The following MROH2B variants were observed in gnomAD, a reference collection of about 807,000 sequenced individuals.
MROH2B encodes the protein maestro heat like repeat family member 2B.
A neutral mutation model predicts 208.6 loss-of-function variants in MROH2B; 177 were observed. That is an observed-to-expected ratio of 0.85 (90% CI 0.75 to 0.96). The LOEUF is 0.96. MROH2B is among the 40% of genes least tolerant of loss of function. MROH2B has a pLI of 0.00. For synonymous variants in MROH2B, 728 were observed against 659.0 expected (o/e 1.10, Z -1.60); for missense variants, 2,002 against 1,878.7 (o/e 1.07, Z -1.21).
At chr5:41,036,009 C>T (rs1481655195) in intron 21 of MROH2B, among the ~76,000 whole-genome samples, 1 of 151,868 alleles carries the variant, frequency 6.6e-6, no homozygotes, top group Non-Finnish European at 1.5e-5. Flanking sequence ...AAAAATGGAT[C>T]GTTTTACCAA....
intron 24 of MROH2B, among the ~76,000 whole-genome samples, chr5:41,030,541 T>C (rs909026368): frequency 1.3e-5 from 2 of 152,010 alleles, no homozygotes; most frequent in Non-Finnish European, 2.9e-5. Flanking sequence ...AAAATGCCCA[T>C]ACTGCCCAAA....
chr5:41,045,868 G>A lies in MROH2B; in HGVS notation c.1729-15C>T. 6.3e-7 allele frequency: 1 copy of A among 1,592,604 alleles called. No homozygotes were observed. The highest frequency in any genetic ancestry group is 8.6e-7 in the Non-Finnish European group (1 of 1,164,090). ...TCTTTGAGCAACTGTTGTAGGAAGT[G>A]GAAGTTAGATGTGAATATGACCGTT... On this transcript the variant is annotated splice_polypyrimidine_tract_variant and intron_variant, in intron 17 of 41. Transcript: ENST00000399564.
rs763590519 is a variant in MROH2B, at chr5:41,057,184, T to TG, written c.850-7dup. ...GGCTCTGGAGCTCTGCAGATCTGAA[T>TG]GGGGGTGGAAATCAGGTGGTAGATG... On this transcript the variant is annotated splice_polypyrimidine_tract_variant and splice_region_variant and intron_variant, in intron 8 of 41. Coordinates refer to ENST00000399564, the MANE Select transcript of MROH2B (RefSeq NM_173489.5). 191 of 1,613,698 alleles carry TG rather than the reference T, an allele frequency of 1.2e-4. No individual in the cohort carries two copies. The highest frequency in any genetic ancestry group is 8.3e-4 in the South Asian group (76 of 91,066).
Position 41,018,321 on chromosome 5 carries a change from C to A in MROH2B, c.2763+20G>T, listed in dbSNP as rs952675401. On this transcript the variant is annotated intron_variant, in intron 27 of 41. Coordinates refer to ENST00000399564, the MANE Select transcript of MROH2B (RefSeq NM_173489.5). Reference sequence around the variant, plus strand: ...CTGTTCACAAGCAATAAAGTCTATTCATTCTAGGGGATTACTTACCTCAAT... The same window carrying A: ...CTGTTCACAAGCAATAAAGTCTATTAATTCTAGGGGATTACTTACCTCAAT... 6 of 1,603,080 alleles carry A rather than the reference C, an allele frequency of 3.7e-6. No individual in the cohort carries two copies. Among genetic ancestry groups the A allele is most frequent in the Non-Finnish European group, 5.1e-6 (6 of 1,173,604 alleles).
chr5:41,043,858 CTTTG>C (rs914786871), intron 18 of MROH2B, among the ~76,000 whole-genome samples: 1 of 152,106 alleles, frequency 6.6e-6, no homozygotes, highest in African/African-American at 2.4e-5. Context: ...TCCTTGCATG[CTTTG>C]TTGCTATCAC....
chr5:41,019,766 C>T (rs945295781), intron 24 of MROH2B, among the ~76,000 whole-genome samples: 4 of 152,152 alleles, frequency 2.6e-5, no homozygotes, highest in Non-Finnish European at 5.9e-5. Context: ...AAATTCAGTA[C>T]CAGCTGGGAA....
In MROH2B at chr5:41,009,851, C is replaced by T. The variant is rs530855194; in HGVS notation, c.3293+71G>A. On this transcript the variant is annotated intron_variant, in intron 31 of 41. Transcript: ENST00000399564. ...TTTGTTTGCTATCTTGCTCTCAAAC[C>T]GTAAATCCCTCCCCAGTGCCTTTCA... is the stretch of plus-strand genomic sequence containing the variant. The T allele has an allele frequency of 7.1e-5, 104 of 1,471,412 alleles. 1 individual carries two copies. The East Asian group carries it at 2.2e-3, about 31-fold the overall frequency. 91.1% of individuals were successfully genotyped at this position (1,471,412 alleles called of 1,614,324 possible). A position where few individuals can be genotyped will look rare whatever the true frequency, so the allele number is the denominator to read the frequency against.
chr5:41,047,072 T>A (rs1974846), intron 17 of MROH2B, among the ~76,000 whole-genome samples: 123,203 of 151,810 alleles, frequency 0.81, 50,771 homozygotes, highest in Non-Finnish European at 0.89. Context: ...CCTTTTAATA[T>A]AGAAAACCTT....
At chr5:41,035,804 A>C (rs1742737923) in intron 21 of MROH2B, among the ~76,000 whole-genome samples, 1 of 145,808 alleles carries the variant, frequency 6.9e-6, no homozygotes, top group Non-Finnish European at 1.5e-5. Context: ...TGTTACAAAG[A>C]AAGCAAAAAA....
intron 24 of MROH2B, among the ~76,000 whole-genome samples, chr5:41,028,711 T>A (rs1456428339): frequency 6.6e-6 from 1 of 152,190 alleles, no homozygotes; most frequent in Admixed American, 6.5e-5. Flanking sequence ...CATTCATTCA[T>A]TGACAGACAC....
At chr5:41,013,904 T>C (rs2111848416) in intron 29 of MROH2B, among the ~76,000 whole-genome samples, 1 of 152,332 alleles carries the variant, frequency 6.6e-6, no homozygotes, top group Non-Finnish European at 1.5e-5. Context: ...TCTAATTGCC[T>C]CATTTGATAG....
At chr5:41,047,600 T>C (rs1743159905) in intron 17 of MROH2B, 121 bp downstream of exon 17, 1 of 907,664 alleles carries the variant, frequency 1.1e-6, no homozygotes, top group Non-Finnish European at 1.7e-6. Context: ...CTAATTCTTT[T>C]CCAAAGAAAG....
intron 16 of MROH2B, 107 bp downstream of exon 16, chr5:41,048,217 A>AT: frequency 7.4e-7 from 1 of 1,355,478 alleles, no homozygotes; most frequent in Middle Eastern, 2.2e-4. Context: ...CAAGTTCATC[A>AT]TTTTTATTGC....
intron 33 of MROH2B, 71 bp downstream of exon 33, chr5:41,008,535 C>A: frequency 1.3e-6 from 2 of 1,543,328 alleles, no homozygotes; most frequent in South Asian, 1.2e-5. Flanking sequence ...CAGACCCTGA[C>A]TTCTGCAGCA....
intron 24 of MROH2B, among the ~76,000 whole-genome samples, chr5:41,027,169 A>G (rs1561287380): frequency 6.6e-6 from 1 of 152,250 alleles, no homozygotes; most frequent in Admixed American, 6.5e-5. Context: ...AATGGCAACA[A>G]AAGCAAAAAT....
intron 10 of MROH2B, 99 bp from the exon 11 acceptor site, chr5:41,054,939 G>A: frequency 3.9e-6 from 3 of 766,038 alleles, no homozygotes; most frequent in Non-Finnish European, 6.0e-6. Context: ...ACATAATTGT[G>A]AAATCTCTTG....
chr5:41,002,961 C>A (rs11951927), intron 37 of MROH2B, among the ~76,000 whole-genome samples: 1 of 136,516 alleles, frequency 7.3e-6, no homozygotes, highest in Non-Finnish European at 1.6e-5. Flanking sequence ...TTAAAAATTG[C>A]TTTTTTTTTT....
intron 16 of MROH2B, 75 bp from the exon 17 acceptor site, chr5:41,047,839 T>G (rs1743168585): frequency 5.6e-6 from 7 of 1,248,724 alleles, no homozygotes; most frequent in Non-Finnish European, 4.6e-6. Context: ...CCTCCAGGCC[T>G]CCAGTGATAC....
intron 10 of MROH2B, 47 bp from the exon 11 acceptor site, chr5:41,054,887 C>T: frequency 3.0e-6 from 4 of 1,347,950 alleles, no homozygotes; most frequent in South Asian, 1.2e-5. Context: ...AATAGAAGTA[C>T]AGTATGTTCT....
Sources: gnomAD v4.1 joint callset for allele counts (sites outside exome capture counted in the v4.1 genomes callset) on GRCh38, gnomAD v4.1.1 for gene constraint, MANE v1.5 for transcripts, NCBI Gene and HGNC (gene_info 2026-07-23, HGNC 2026-07-21) for gene names.